SDK1: variants seen among roughly 807,000 people sequenced by gnomAD.
The protein encoded by SDK1 is protein sidekick-1.
In SDK1, 157 loss-of-function variants were observed where a neutral mutation model predicts 245.5. The observed-to-expected ratio is 0.64, with a 90% CI of 0.56 to 0.73. SDK1 has a LOEUF of 0.73. Ranked by LOEUF, SDK1 falls within the 30% of genes least tolerant of loss-of-function variation. The pLI, the probability that SDK1 is intolerant of heterozygous loss-of-function variation, is 0.00. For synonymous variants in SDK1, 1,647 were observed against 1,278.5 expected, an observed-to-expected ratio of 1.29 and a Z score of -6.15; for missense variants, 3,583 against 3,002.3, an observed-to-expected ratio of 1.19 and a Z score of -4.52.
At chr7:3,431,366 T>TTTG in intron 1 of SDK1, among the ~76,000 whole-genome samples, 1 of 150,832 alleles carries the variant, frequency 6.6e-6, no homozygotes, top group Non-Finnish European at 1.5e-5. Flanking sequence ...AGGTTTTTTT[T>TTTG]TTTTTTTTTT....
intron 9 of SDK1, among the ~76,000 whole-genome samples, chr7:3,963,121 A>G (rs1193283951): frequency 8.0e-6 from 1 of 125,164 alleles, no homozygotes; most frequent in African/African-American, 3.4e-5. Context: ...CCAGGCTCAC[A>G]GCTACCTGAT....
intron 4 of SDK1, among the ~76,000 whole-genome samples, chr7:3,803,885 C>T (rs1779173863): frequency 6.6e-6 from 1 of 151,880 alleles, no homozygotes; most frequent in Admixed American, 6.6e-5. Flanking sequence ...CTGCCTCAGC[C>T]TCCTGAGTAG....
chr7:3,402,665 G>A (rs1778921711), intron 1 of SDK1, among the ~76,000 whole-genome samples: 1 of 151,956 alleles, frequency 6.6e-6, no homozygotes, highest in African/African-American at 2.4e-5. Flanking sequence ...TTTTTGAGGT[G>A]TTTAAATCAA....
intron 13 of SDK1, among the ~76,000 whole-genome samples, chr7:3,982,566 C>T (rs778788993): frequency 1.1e-4 from 16 of 152,044 alleles, no homozygotes; most frequent in Admixed American, 2.6e-4. Flanking sequence ...GTGGGCTGGG[C>T]GCGGTGGCTC....
intron 1 of SDK1, among the ~76,000 whole-genome samples, chr7:3,550,006 G>A (rs1259461798): frequency 1.3e-5 from 2 of 152,146 alleles, no homozygotes; most frequent in East Asian, 3.9e-4. Context: ...TCTGTAATAT[G>A]CCTATTAAAC....
intron 4 of SDK1, among the ~76,000 whole-genome samples, chr7:3,817,631 C>A (rs997982213): frequency 2.0e-5 from 3 of 152,284 alleles, no homozygotes; most frequent in African/African-American, 7.2e-5. Context: ...AGGCCACAAC[C>A]CCTGGCCATG....
intron 1 of SDK1, among the ~76,000 whole-genome samples, chr7:3,471,063 CTGTT>C (rs1781167864): frequency 6.6e-6 from 1 of 152,254 alleles, no homozygotes; most frequent in South Asian, 2.1e-4. Flanking sequence ...ATTATTTTAT[CTGTT>C]TGAGGACTAT....
At chr7:3,777,973 A>G (rs768025018) in intron 4 of SDK1, among the ~76,000 whole-genome samples, 1 of 152,232 alleles carries the variant, frequency 6.6e-6, no homozygotes, top group Non-Finnish European at 1.5e-5. Context: ...AATGATGGAC[A>G]TTGTGATTTG....
intron 2 of SDK1, among the ~76,000 whole-genome samples, chr7:3,627,254 C>G (rs1411035601): frequency 1.6e-4 from 24 of 152,114 alleles, no homozygotes; most frequent in Admixed American, 1.6e-3. Context: ...TGTTCCGAAT[C>G]CTATTATCCT....
rs930230041 is a variant in SDK1 at position 4,267,883 on chromosome 7, C to A, written c.*2499C>A. On this transcript the variant is annotated 3_prime_UTR_variant, in exon 45 of 45. Transcript: ENST00000404826. ...CGCCCATGCCTCGGAGGGACTCTGT[C>A]CCATGAGAACCACCTGTGCAAAGGA... is the stretch of plus-strand genomic sequence containing the variant. 3.0e-6 allele frequency: 3 copies of A among 985,386 alleles called. No homozygotes were observed. The highest frequency in any genetic ancestry group is 4.7e-5 in the South Asian group (1 of 21,288). 61.0% of individuals were successfully genotyped at this position (985,386 alleles called of 1,614,324 possible).
chr7:3,572,779 A>C (rs1780157219), intron 1 of SDK1, among the ~76,000 whole-genome samples: 2 of 152,212 alleles, frequency 1.3e-5, no homozygotes, highest in South Asian at 4.1e-4. Flanking sequence ...CAGGGGCTTC[A>C]GACAAGTGCG....
intron 22 of SDK1, among the ~76,000 whole-genome samples, chr7:4,089,052 T>C (rs531139412): frequency 2.2e-4 from 31 of 139,558 alleles, no homozygotes; most frequent in Admixed American, 5.0e-4. Flanking sequence ...GAGGTGAGAC[T>C]CTCCCTCAGG....
At chr7:3,950,855 C>T in intron 5 of SDK1, 68 bp from the exon 6 acceptor site, 2 of 1,245,220 alleles carry the variant, frequency 1.6e-6, no homozygotes, top group East Asian at 2.5e-5. Context: ...AACGTGTCCC[C>T]TCAGATAACG....
rs185358095 is a variant in SDK1 at position 3,542,832 on chromosome 7, A to T, written c.299-76248A>T. Among the ~76,000 whole-genome samples the T allele has an allele frequency of 2.0e-5, 3 of 152,326 alleles. No individual in the cohort carries two copies. In the East Asian group the frequency reaches 5.8e-4, roughly 29 times the overall value. On this transcript the variant is annotated intron_variant, in intron 1 of 44. Coordinates refer to ENST00000404826, the MANE Select transcript of SDK1 (RefSeq NM_152744.4). ...TGTAGAGAGAGAAATTAGAAAAAAC[A>T]TCAAAGACAAAGACTTCTAAGAAGG...
chr7:3,746,333 A>G (rs555072288), intron 4 of SDK1, among the ~76,000 whole-genome samples: 2 of 152,324 alleles, frequency 1.3e-5, no homozygotes, highest in East Asian at 3.9e-4. Context: ...CTCATTGGTG[A>G]TGGCTGCTGA....
chr7:3,701,629 T>C (rs1784741921), intron 4 of SDK1, among the ~76,000 whole-genome samples: 1 of 152,134 alleles, frequency 6.6e-6, no homozygotes, highest in South Asian at 2.1e-4. Flanking sequence ...AAGATTATTC[T>C]AAAATTTATG....
At chr7:3,699,802 A>G (rs1010639225) in intron 4 of SDK1, among the ~76,000 whole-genome samples, 2 of 152,208 alleles carry the variant, frequency 1.3e-5, no homozygotes, top group East Asian at 1.9e-4. Context: ...CAAAGAAATA[A>G]TGGTTAAAGA....
intron 17 of SDK1, among the ~76,000 whole-genome samples, chr7:4,045,968 T>A (rs181015047): frequency 6.6e-6 from 1 of 152,312 alleles, no homozygotes; most frequent in Non-Finnish European, 1.5e-5. Context: ...TTTTGTTTTT[T>A]TCTTTTTAAG....
chr7:4,223,731 G>A (rs1002578412), intron 40 of SDK1, among the ~76,000 whole-genome samples: 2 of 152,092 alleles, frequency 1.3e-5, no homozygotes, highest in African/African-American at 2.4e-5. Flanking sequence ...TTGGGGGTTC[G>A]GACTTCAACG....
Sources: allele counts gnomAD v4.1 joint callset (sites outside exome capture counted in the v4.1 genomes callset), GRCh38; gene constraint gnomAD v4.1.1; transcripts MANE v1.5; gene names NCBI Gene and HGNC (gene_info 2026-07-23, HGNC 2026-07-21).